Variants in ENTREP2 observed in about 807,000 individuals in gnomAD.
ENTREP2 encodes the protein protein ENTREP2.
the ENTREP2 span, among the ~76,000 whole-genome samples, chr15:29,170,978 G>T: frequency 6.6e-6 from 1 of 152,204 alleles, no homozygotes; most frequent in South Asian, 2.1e-4. Context: ...TCTGGTGGGG[G>T]TCCTCCTGTG....
chr15:29,530,934 G>C, the ENTREP2 span, among the ~76,000 whole-genome samples: 1 of 152,088 alleles, frequency 6.6e-6, no homozygotes, highest in African/African-American at 2.4e-5. Context: ...CCTTGATCTC[G>C]ATCCAGTTAG....
At chr15:29,603,318 G>A in the ENTREP2 span, among the ~76,000 whole-genome samples, 1 of 152,182 alleles carries the variant, frequency 6.6e-6, no homozygotes, top group Admixed American at 6.5e-5. Flanking sequence ...CATCTGCAGG[G>A]AACTTGTTAG....
At chr15:29,572,736 T>G in the ENTREP2 span, among the ~76,000 whole-genome samples, 1 of 152,078 alleles carries the variant, frequency 6.6e-6, no homozygotes, top group Non-Finnish European at 1.5e-5. Flanking sequence ...AAGAATGAGT[T>G]GCAAGCCCCC....
the ENTREP2 span, among the ~76,000 whole-genome samples, chr15:29,243,111 T>C: frequency 6.6e-6 from 1 of 152,166 alleles, no homozygotes; most frequent in Non-Finnish European, 1.5e-5. Flanking sequence ...TGAGTTTATG[T>C]TGTAAGAAGC....
the ENTREP2 span, among the ~76,000 whole-genome samples, chr15:29,134,038 A>G: frequency 6.6e-6 from 1 of 151,884 alleles, no homozygotes; most frequent in Non-Finnish European, 1.5e-5. Context: ...GACCTCCCAG[A>G]CCTTCCATGG....
At chr15:29,202,973 T>C in the ENTREP2 span, among the ~76,000 whole-genome samples, 1 of 152,266 alleles carries the variant, frequency 6.6e-6, no homozygotes, top group Non-Finnish European at 1.5e-5. Context: ...TGTGGCAGAA[T>C]GATTTATAAT....
chr15:29,136,378 G>C, the ENTREP2 span: 3 of 1,509,844 alleles, frequency 2.0e-6, no homozygotes, highest in Admixed American at 4.7e-5. Flanking sequence ...GGCTGGCAGG[G>C]GGCTGGCCCA....
the ENTREP2 span, among the ~76,000 whole-genome samples, chr15:29,670,336 C>T: frequency 2.6e-5 from 4 of 152,122 alleles, no homozygotes; most frequent in Non-Finnish European, 4.4e-5. Flanking sequence ...TGGGGCAGGA[C>T]GCATGAAGGG....
chr15:29,632,151 T>C, the ENTREP2 span, among the ~76,000 whole-genome samples: 7 of 152,178 alleles, frequency 4.6e-5, no homozygotes, highest in Non-Finnish European at 1.0e-4. Flanking sequence ...GTCCAGAATA[T>C]AGCAAAGATA....
the ENTREP2 span, among the ~76,000 whole-genome samples, chr15:29,278,834 A>G: frequency 6.6e-6 from 1 of 152,224 alleles, no homozygotes; most frequent in African/African-American, 2.4e-5. Context: ...GGGCTGCCAC[A>G]GCAGAATACC....
At chr15:29,569,979 C>T in the ENTREP2 span, 3 of 152,156 alleles carry the variant, frequency 2.0e-5, no homozygotes, top group Non-Finnish European at 2.9e-5. Flanking sequence ...ACAGGGGCCG[C>T]CCGGCCGATC....
At chr15:29,529,380 G>T in the ENTREP2 span, among the ~76,000 whole-genome samples, 1 of 151,910 alleles carries the variant, frequency 6.6e-6, no homozygotes. Flanking sequence ...CATTGGTGAG[G>T]CAGGTTAAGC....
the ENTREP2 span, among the ~76,000 whole-genome samples, chr15:29,342,051 C>G: frequency 6.6e-6 from 1 of 152,278 alleles, no homozygotes; most frequent in East Asian, 1.9e-4. Context: ...GTAGAAAAGA[C>G]CACCCCTTGC....
the ENTREP2 span, among the ~76,000 whole-genome samples, chr15:29,190,571 C>T: frequency 6.6e-6 from 1 of 152,114 alleles, no homozygotes; most frequent in African/African-American, 2.4e-5. Flanking sequence ...TGTGCCTGTA[C>T]AGCCTTCCAG....
chr15:29,184,185 A>G, the ENTREP2 span, among the ~76,000 whole-genome samples: 4 of 152,284 alleles, frequency 2.6e-5, no homozygotes, highest in African/African-American at 9.6e-5. Flanking sequence ...GGGTTTTGCC[A>G]TATTGGCCAG....
chr15:29,129,315 T>C, the ENTREP2 span, among the ~76,000 whole-genome samples: 2 of 152,192 alleles, frequency 1.3e-5, no homozygotes, highest in East Asian at 3.9e-4. Flanking sequence ...TCCGCCTGCT[T>C]TGGCCTCCCA....
chr15:29,629,642 C>T, the ENTREP2 span, among the ~76,000 whole-genome samples: 11 of 152,100 alleles, frequency 7.2e-5, no homozygotes, highest in African/African-American at 2.7e-4. Context: ...GAGTACCATA[C>T]CAGATGGCAT....
the ENTREP2 span, among the ~76,000 whole-genome samples, chr15:29,414,192 A>G: frequency 6.6e-6 from 1 of 152,236 alleles, no homozygotes; most frequent in Non-Finnish European, 1.5e-5. Context: ...TCAACAGAAT[A>G]TATATTCTTT....
the ENTREP2 span, chr15:29,196,634 C>T: frequency 2.0e-6 from 3 of 1,502,542 alleles, no homozygotes; most frequent in East Asian, 5.0e-5. Context: ...GCGTGAGTGA[C>T]ACAGTTCAGA....
Sources: allele counts gnomAD v4.1 joint callset (sites outside exome capture counted in the v4.1 genomes callset), GRCh38; gene constraint gnomAD v4.1.1; transcripts MANE v1.5; gene names NCBI Gene and HGNC (gene_info 2026-07-23, HGNC 2026-07-21).